The following GABPB2 variants were observed in gnomAD, a reference collection of about 807,000 sequenced individuals.
The protein encoded by GABPB2 is GA binding protein transcription factor subunit beta 2.
In GABPB2, 23 loss-of-function variants were observed where a neutral mutation model predicts 39.1. That is an observed-to-expected ratio of 0.59 (90% CI 0.42 to 0.83). GABPB2 has a LOEUF of 0.83. GABPB2 is among the 40% of genes least tolerant of loss of function. The pLI, the probability that GABPB2 is intolerant of heterozygous loss-of-function variation, is 0.00. For missense variants in GABPB2, 467 were observed against 541.1 expected (o/e 0.86, Z 1.36); for synonymous variants, 184 against 199.3 (o/e 0.92, Z 0.65).
rs1330314067 is a variant in GABPB2, at chr1:151,117,494, C to CA, written c.1028dup (p.Asn343LysfsTer11). 6.2e-7 allele frequency: 1 copy of CA among 1,613,870 alleles called. No individual in the cohort carries two copies. On this transcript the variant is annotated frameshift_variant, in exon 8 of 9. Coordinates refer to ENST00000368918, the MANE Select transcript of GABPB2 (RefSeq NM_144618.3). LOFTEE classifies it high-confidence loss of function. ...AAGAAACCAAGGATAGGAGAGAAGACAAACAGTGTGGAGGAAAGCAAGGTA... is the reference window on the plus strand; with the variant it reads ...AAGAAACCAAGGATAGGAGAGAAGACAAAACAGTGTGGAGGAAAGCAAGGTA...
At chr1:151,097,412 C>T (rs1238057751) in intron 4 of GABPB2, among the ~76,000 whole-genome samples, 4 of 151,914 alleles carry the variant, frequency 2.6e-5, no homozygotes, top group East Asian at 1.9e-4. Context: ...CATTGTGTAC[C>T]GGAACTAGTT....
Position 151,124,876 on chromosome 1 carries a change from G to T in GABPB2, c.*6620G>T, listed in dbSNP as rs1681318016. 1 of 151,876 alleles carries T rather than the reference G, an allele frequency of 6.6e-6. No homozygotes were observed. Among genetic ancestry groups the T allele is most frequent in the Non-Finnish European group, 1.5e-5 (1 of 67,956 alleles). 9.4% of individuals were successfully genotyped at this position (151,876 alleles called of 1,614,324 possible). A position where few individuals can be genotyped will look rare whatever the true frequency, so the allele number is the denominator to read the frequency against. On this transcript the variant is annotated 3_prime_UTR_variant, in exon 9 of 9. Transcript: ENST00000368918. Reference sequence around the variant, plus strand: ...TTTTTTAGCCTCTTTAGTATTAGGGGGTGAGGTGACATTCCTAGACTCTAC... The same window carrying T: ...TTTTTTAGCCTCTTTAGTATTAGGGTGTGAGGTGACATTCCTAGACTCTAC...
rs1347108163 is a variant in GABPB2 at position 151,088,210 on chromosome 1, A to G, written c.21A>G (p.Gly7=). 1.9e-6 allele frequency: 3 copies of G among 1,613,996 alleles called. No individual in the cohort carries two copies. Among genetic ancestry groups the G allele is most frequent in the Non-Finnish European group, 2.5e-6 (3 of 1,179,922 alleles). The change falls in exon 2 of 9, where the codon GGA becomes GGG. Residue 7 remains glycine (G), a synonymous_variant. Transcript: ENST00000368918. MSLVDL[G]KRLLEAARKG... ...TAAAGATGTCTTTGGTGGACTTGGG[A>G]AAGAGGTTGCTAGAAGCAGCAAGAA...
chr1:151,085,841 T>C (rs1404660090), intron 1 of GABPB2, among the ~76,000 whole-genome samples: 1 of 152,200 alleles, frequency 6.6e-6, no homozygotes, highest in African/African-American at 2.4e-5. Context: ...AAGTATTTTA[T>C]GTCGGATAGG....
intron 1 of GABPB2, among the ~76,000 whole-genome samples, chr1:151,073,546 A>G (rs1676898118): frequency 6.6e-6 from 1 of 152,168 alleles, no homozygotes; most frequent in African/African-American, 2.4e-5. Context: ...AATGGCATAT[A>G]GTTCCCCTCA....
At chr1:151,085,137 C>T (rs1678069919) in intron 1 of GABPB2, among the ~76,000 whole-genome samples, 1 of 151,368 alleles carries the variant, frequency 6.6e-6, no homozygotes. Context: ...GTGGCTCACA[C>T]CTGTAATCCC....
chr1:151,088,696 C>T (rs1678409625), intron 2 of GABPB2, among the ~76,000 whole-genome samples: 1 of 152,072 alleles, frequency 6.6e-6, no homozygotes, highest in Non-Finnish European at 1.5e-5. Flanking sequence ...TCTAATATGC[C>T]CTGGTTAATA....
At chr1:151,107,609 G>C (rs1425489366) in intron 7 of GABPB2, among the ~76,000 whole-genome samples, 1 of 151,436 alleles carries the variant, frequency 6.6e-6, no homozygotes. Flanking sequence ...TCACGCACCC[G>C]GGTTCACCGC....
chr1:151,071,410 A>G (rs1676702138), intron 1 of GABPB2, among the ~76,000 whole-genome samples: 1 of 150,690 alleles, frequency 6.6e-6, no homozygotes, highest in Non-Finnish European at 1.5e-5. Flanking sequence ...GAACTCGGTA[A>G]TCTGAATGAG....
chr1:151,099,259 G>T (rs1371015540), intron 5 of GABPB2, among the ~76,000 whole-genome samples: 2 of 151,266 alleles, frequency 1.3e-5, no homozygotes, highest in East Asian at 3.9e-4. Flanking sequence ...GTGCAGTGGC[G>T]CAATCTTGGC....
chr1:151,101,205 A>G (rs2101530376), intron 5 of GABPB2, among the ~76,000 whole-genome samples: 1 of 152,178 alleles, frequency 6.6e-6, no homozygotes, highest in East Asian at 1.9e-4. Context: ...GTAAGCCAAG[A>G]TTGTACCACT....
At chr1:151,102,344 A>G (rs1353223940) in intron 5 of GABPB2, among the ~76,000 whole-genome samples, 1 of 152,194 alleles carries the variant, frequency 6.6e-6, no homozygotes, top group Non-Finnish European at 1.5e-5. Flanking sequence ...ATAAAAAATA[A>G]AAGTACATCT....
At chr1:151,091,239 C>T (rs1270857252) in intron 3 of GABPB2, among the ~76,000 whole-genome samples, 4 of 150,716 alleles carry the variant, frequency 2.7e-5, no homozygotes, top group Non-Finnish European at 4.4e-5. Flanking sequence ...AGGCGCCCGC[C>T]ACTACACCCA....
At chr1:151,102,739 G>A (rs1219640581) in intron 5 of GABPB2, among the ~76,000 whole-genome samples, 1 of 152,096 alleles carries the variant, frequency 6.6e-6, no homozygotes, top group Non-Finnish European at 1.5e-5. Context: ...ACAGCATCCG[G>A]CCATGAAACT....
chr1:151,100,849 A>G (rs1332211861), intron 5 of GABPB2, among the ~76,000 whole-genome samples: 2 of 151,704 alleles, frequency 1.3e-5, no homozygotes, highest in African/African-American at 4.8e-5. Flanking sequence ...CGGCCTCCCA[A>G]AGTGCTGGGA....
intron 1 of GABPB2, among the ~76,000 whole-genome samples, chr1:151,086,561 C>T (rs1391384938): frequency 1.3e-5 from 2 of 152,090 alleles, no homozygotes; most frequent in Non-Finnish European, 2.9e-5. Flanking sequence ...TAGTTTTGAC[C>T]TCATAGTTCC....
chr1:151,081,796 A>C (rs1308548163), intron 1 of GABPB2, among the ~76,000 whole-genome samples: 1 of 151,838 alleles, frequency 6.6e-6, no homozygotes, highest in Non-Finnish European at 1.5e-5. Flanking sequence ...CACCATGCCC[A>C]GCTAATTCTT....
chr1:151,113,445 G>A (rs587675927), intron 7 of GABPB2, among the ~76,000 whole-genome samples: 1 of 147,996 alleles, frequency 6.8e-6, no homozygotes, highest in Admixed American at 6.7e-5. Context: ...CTCCAACCTG[G>A]GCAACAGAGG....
intron 1 of GABPB2, among the ~76,000 whole-genome samples, chr1:151,072,541 C>G (rs1487886256): frequency 2.0e-5 from 3 of 150,890 alleles, no homozygotes; most frequent in Non-Finnish European, 4.4e-5. Flanking sequence ...AGAGTGAGGC[C>G]CTGTCTCTTT....
Sources: gnomAD v4.1 joint callset for allele counts (sites outside exome capture counted in the v4.1 genomes callset) on GRCh38, gnomAD v4.1.1 for gene constraint, MANE v1.5 for transcripts, NCBI Gene and HGNC (gene_info 2026-07-23, HGNC 2026-07-21) for gene names.